The following PPP2R3B variants were observed in gnomAD, a reference collection of about 807,000 sequenced individuals.
The protein encoded by PPP2R3B is serine/threonine-protein phosphatase 2A regulatory subunit B'' subunit beta.
In PPP2R3B, 68 loss-of-function variants were observed where a neutral mutation model predicts 72.9. That is an observed-to-expected ratio of 0.93 (90% CI 0.77 to 1.14). The LOEUF (loss-of-function observed/expected upper bound fraction) is 1.14, where lower values mean the gene tolerates loss of function less well. PPP2R3B is among the 50% of genes most tolerant of loss of function. The pLI, the probability that PPP2R3B is intolerant of heterozygous loss-of-function variation, is 0.00. For synonymous variants in PPP2R3B, 466 were observed against 375.8 expected (o/e 1.24, Z -2.78); for missense variants, 1,018 against 842.0 (o/e 1.21, Z -2.59).
intron 2 of PPP2R3B, among the ~76,000 whole-genome samples, chrX:354,406 A>G (rs2071400295): frequency 6.6e-6 from 1 of 152,286 alleles, no homozygotes; most frequent in South Asian, 2.1e-4. Context: ...GGGCTCACCC[A>G]AGGACCGGGG....
At position 347,606 on chromosome X, in the gene PPP2R3B, C is replaced by A. The variant is rs759326365; in HGVS notation, c.598G>T (p.Val200Phe). The A allele has an allele frequency of 6.3e-7, 1 of 1,579,366 alleles. No individual in the cohort carries two copies. Among genetic ancestry groups the A allele is most frequent in the East Asian group, 2.3e-5 (1 of 43,476 alleles). The stretch of plus-strand genomic sequence containing the variant: ...AGGACTCACTTTCTCCACATGGCGA[C>A]GAACTTGTGGACGGACACGGAGCCC... Reference protein sequence around the residue: ...RTGSVSVHKFVAMWRKILQNC... With the variant: ...RTGSVSVHKFFAMWRKILQNC... The change falls in exon 3 of 13, where the codon GTC (valine) becomes TTC (phenylalanine). Residue 200 changes from valine (V) to phenylalanine (F), a missense_variant. Transcript: ENST00000390665.
intron 2 of PPP2R3B, among the ~76,000 whole-genome samples, chrX:353,566 C>A (rs2071372516): frequency 6.6e-6 from 1 of 152,224 alleles, no homozygotes; most frequent in Non-Finnish European, 1.5e-5. Flanking sequence ...GGACATTTTC[C>A]AAGCAACTCT....
In PPP2R3B at chrX:338,831, T is replaced by C. The variant is rs1414691446; in HGVS notation, c.1417A>G (p.Asn473Asp). 2.5e-6 allele frequency: 4 copies of C among 1,612,318 alleles called. No homozygotes were observed. Among genetic ancestry groups the C allele is most frequent in the Non-Finnish European group, 2.5e-6 (3 of 1,179,708 alleles). Residue 473 changes from asparagine (N) to aspartate (D), a missense_variant, in exon 11 of 13, where the codon AAC becomes GAC. Physicochemically the swap from Asn to Asp is conservative, Grantham distance 23. Coordinates refer to ENST00000390665, the MANE Select transcript of PPP2R3B (RefSeq NM_013239.5). ...TCGTGGTCGAGGTACTTCTCGATGT[T>C]GAAGAAGGTGTCGAAGAAGACGTTA... ...LANVFFDTFF[N>D]IEKYLDHEQK...
intron 2 of PPP2R3B, among the ~76,000 whole-genome samples, chrX:357,441 T>C (rs2071459731): frequency 6.6e-6 from 1 of 152,142 alleles, no homozygotes; most frequent in African/African-American, 2.4e-5. Flanking sequence ...TAGATATTCA[T>C]GAGAGAAAGA....
intron 2 of PPP2R3B, chrX:359,809 AAG>A (rs778815629): frequency 2.0e-6 from 1 of 510,818 alleles, no homozygotes; most frequent in Admixed American, 2.0e-5. Context: ...AAATAACAAT[AAG>A]AGGATAAACC....
intron 12 of PPP2R3B, 104 bp from the exon 13 acceptor site, chrX:334,621 CAGTCCCCTGAGCCG>C (rs1359302853): frequency 7.7e-7 from 1 of 1,293,080 alleles, no homozygotes. Flanking sequence ...CAGCACGAGA[CAGTCCCCTGAGCCG>C]ACCTTGAGCT....
chrX:343,728 G>T (rs1318560105), intron 7 of PPP2R3B, among the ~76,000 whole-genome samples: 4 of 80,746 alleles, frequency 5.0e-5, no homozygotes, highest in East Asian at 4.5e-4. Flanking sequence ...CGGGAGGCGG[G>T]AGTGAGACCT....
At chrX:336,720 G>A (rs998461823) in intron 12 of PPP2R3B, 2 of 152,254 alleles carry the variant, frequency 1.3e-5, no homozygotes, top group Admixed American at 6.5e-5. Context: ...AATTCTATAT[G>A]CTACCAACGA....
intron 1 of PPP2R3B, among the ~76,000 whole-genome samples, chrX:363,452 G>T (rs1369480804): frequency 6.7e-6 from 1 of 148,278 alleles, no homozygotes; most frequent in Non-Finnish European, 1.5e-5. Context: ...GCATCTCCCC[G>T]AGCCCACCAT....
chrX:348,164 C>T (rs752339735), intron 2 of PPP2R3B, among the ~76,000 whole-genome samples: 1 of 152,166 alleles, frequency 6.6e-6, no homozygotes, highest in Admixed American at 6.5e-5. Context: ...TAAAATCGAT[C>T]GTCTACACTT....
intron 1 of PPP2R3B, among the ~76,000 whole-genome samples, chrX:367,869 A>G (rs1307324440): frequency 6.6e-6 from 1 of 152,192 alleles, no homozygotes; most frequent in Non-Finnish European, 1.5e-5. Context: ...ATGGAAAAAG[A>G]GCAGGCAGAC....
At chrX:384,669 A>T (rs1316225660) in intron 1 of PPP2R3B, among the ~76,000 whole-genome samples, 1 of 152,050 alleles carries the variant, frequency 6.6e-6, no homozygotes, top group Non-Finnish European at 1.5e-5. Context: ...CACCAGCCGT[A>T]ACTACAGCTT....
chrX:345,511 C>A lies in PPP2R3B; in HGVS notation c.1036+5G>T, dbSNP rs774606379. ...CGGCCCGCCCGCCCCTGTGCCCCCACGCACCGTGGTCATTGTGCCGCGCCA... is the reference window on the plus strand; with the variant it reads ...CGGCCCGCCCGCCCCTGTGCCCCCAAGCACCGTGGTCATTGTGCCGCGCCA... On this transcript the variant is annotated splice_donor_5th_base_variant and intron_variant, in intron 7 of 12. Transcript: ENST00000390665. The A allele has an allele frequency of 1.2e-6, 2 of 1,612,554 alleles. No homozygotes were observed. Among genetic ancestry groups the A allele is most frequent in the African/African-American group, 2.7e-5 (2 of 74,870 alleles).
chrX:377,963 G>A (rs2072035555), intron 1 of PPP2R3B, among the ~76,000 whole-genome samples: 1 of 143,468 alleles, frequency 7.0e-6, no homozygotes. Flanking sequence ...ATGCAGGGAC[G>A]GGCCGTCTAC....
chrX:341,124 G>C (rs112743702), intron 9 of PPP2R3B, among the ~76,000 whole-genome samples, 183 bp downstream of exon 9: 3 of 9,472 alleles, frequency 3.2e-4, no homozygotes, highest in Non-Finnish European at 5.4e-4. Flanking sequence ...CCCCTGTGCC[G>C]TGCAGCCCCC....
rs1319988533 is a variant in PPP2R3B at position 341,884 on chromosome X, G to A, written c.1084C>T (p.Arg362Ter). The A allele has an allele frequency of 3.7e-6, 6 of 1,612,554 alleles. No individual in the cohort carries two copies. The highest frequency in any genetic ancestry group is 2.2e-5 in the East Asian group (1 of 44,902). ...IDRIFSGAVT[R>*]GRKVQKEGKI... ...GTCAGGCGCCTGAGCCGTACGTACC[G>A]TGTGACTGCTCCTGAGAAGATCCTG... The change falls in exon 8 of 13, where the codon CGA (arginine) becomes TGA (stop). Residue 362 changes from arginine to a stop codon, truncating the protein, a stop_gained and splice_region_variant. Transcript: ENST00000390665. LOFTEE classifies it high-confidence loss of function.
Position 347,638 on chromosome X carries a change from T to TCC in PPP2R3B, c.564_565dup (p.Glu189GlyfsTer35). On this transcript the variant is annotated frameshift_variant, in exon 3 of 13. Coordinates refer to ENST00000390665, the MANE Select transcript of PPP2R3B (RefSeq NM_013239.5). LOFTEE classifies it high-confidence loss of function. ...GTGGACGGACACGGAGCCCGTGCGCTCCCCGCCGGCGCCATAGAAGAGCGG... is the reference window on the plus strand; with the variant it reads ...GTGGACGGACACGGAGCCCGTGCGCTCCCCCCGCCGGCGCCATAGAAGAGCGG... 6.4e-7 allele frequency: 1 copy of TCC among 1,572,096 alleles called. No individual in the cohort carries two copies. The highest frequency in any genetic ancestry group is 8.6e-7 in the Non-Finnish European group (1 of 1,158,762).
At chrX:346,530 C>CG in intron 5 of PPP2R3B, 171 bp downstream of exon 5, 1 of 687,546 alleles carries the variant, frequency 1.5e-6, no homozygotes, top group Non-Finnish European at 2.4e-6. Context: ...CAGAGTCCCC[C>CG]CAACACCGGG....
At chrX:348,946 G>T (rs1314002860) in intron 2 of PPP2R3B, among the ~76,000 whole-genome samples, 1 of 152,194 alleles carries the variant, frequency 6.6e-6, no homozygotes. Flanking sequence ...GACACAGGAA[G>T]TCACAGGCCA....
Sources: allele counts gnomAD v4.1 joint callset (sites outside exome capture counted in the v4.1 genomes callset), GRCh38; gene constraint gnomAD v4.1.1; transcripts MANE v1.5; gene names NCBI Gene and HGNC (gene_info 2026-07-23, HGNC 2026-07-21).